PECR: variants seen among roughly 807,000 people sequenced by gnomAD.
The protein encoded by PECR is peroxisomal trans-2-enoyl-CoA reductase, also known as 2,4-dienoyl-CoA reductase-related protein.
A neutral mutation model predicts 35.3 loss-of-function variants in PECR; 30 were observed. The ratio of observed to expected loss-of-function variants is 0.85; its 90% confidence interval spans 0.64 to 1.15. PECR has a LOEUF of 1.15. Ranked by LOEUF, PECR falls within the 50% of genes most tolerant of loss-of-function variation. The probability of loss-of-function intolerance (pLI) is 0.00; values close to 1 mark genes in which losing one functional copy is unlikely to be tolerated. For synonymous variants in PECR, 148 were observed against 138.9 expected, an observed-to-expected ratio of 1.07 and a Z score of -0.46; for missense variants, 392 against 370.8, an observed-to-expected ratio of 1.06 and a Z score of -0.47.
intron 4 of PECR, among the ~76,000 whole-genome samples, chr2:216,056,386 A>C (rs1695225343): frequency 6.6e-6 from 1 of 152,190 alleles, no homozygotes; most frequent in African/African-American, 2.4e-5. Flanking sequence ...ATAAGCAGCA[A>C]GTGTAAAAAA....
chr2:216,079,535 T>C (rs1002289390), intron 1 of PECR, among the ~76,000 whole-genome samples: 3 of 151,662 alleles, frequency 2.0e-5, no homozygotes, highest in Non-Finnish European at 2.9e-5. Flanking sequence ...GCCTGGCTAA[T>C]TTTTGTATTC....
intron 4 of PECR, among the ~76,000 whole-genome samples, chr2:216,055,510 C>T (rs1431869920): frequency 6.6e-6 from 1 of 150,724 alleles, no homozygotes; most frequent in African/African-American, 2.5e-5. Context: ...AAACCTAGTA[C>T]ATAAATATTC....
At chr2:216,050,695 G>C (rs1249855183) in intron 5 of PECR, 1 of 152,338 alleles carries the variant, frequency 6.6e-6, no homozygotes, top group Non-Finnish European at 1.5e-5. Flanking sequence ...GAAGTCAGGA[G>C]ATCGAGACCA....
chr2:216,060,057 AT>A (rs1309891051), intron 3 of PECR, among the ~76,000 whole-genome samples: 2 of 152,128 alleles, frequency 1.3e-5, no homozygotes, highest in African/African-American at 4.8e-5. Flanking sequence ...ATCTTCTTTG[AT>A]TTCTCTCAGC....
At chr2:216,070,702 A>G (rs1382657436) in intron 1 of PECR, among the ~76,000 whole-genome samples, 1 of 152,218 alleles carries the variant, frequency 6.6e-6, no homozygotes, top group African/African-American at 2.4e-5. Context: ...AGCAACCTTG[A>G]GCTCCTACGG....
chr2:216,070,860 C>T (rs895011463), intron 1 of PECR, among the ~76,000 whole-genome samples: 1 of 152,218 alleles, frequency 6.6e-6, no homozygotes, highest in Non-Finnish European at 1.5e-5. Context: ...TGACTGCCCT[C>T]AGCATTCCTT....
chr2:216,081,480 T>C, intron 1 of PECR, 138 bp downstream of exon 1: 1 of 1,039,814 alleles, frequency 9.6e-7, no homozygotes, highest in South Asian at 1.3e-5. Flanking sequence ...CTGGTGGTCG[T>C]AATTTCGCCC....
At chr2:216,051,895 T>C (rs968307290) in intron 4 of PECR, among the ~76,000 whole-genome samples, 7 of 152,228 alleles carry the variant, frequency 4.6e-5, no homozygotes, top group South Asian at 2.1e-4. Context: ...CGATTTTAAA[T>C]AACAAAGGAG....
intron 5 of PECR, among the ~76,000 whole-genome samples, chr2:216,050,199 G>C (rs1265635917): frequency 6.6e-6 from 1 of 152,134 alleles, no homozygotes; most frequent in Non-Finnish European, 1.5e-5. Flanking sequence ...TTCAGCCTAG[G>C]CAACACAGCA....
chr2:216,057,088 T>G (rs549183555), intron 4 of PECR, among the ~76,000 whole-genome samples: 2 of 152,272 alleles, frequency 1.3e-5, no homozygotes, highest in South Asian at 4.1e-4. Context: ...AGGACACATT[T>G]CACTCATAAA....
chr2:216,053,806 T>G (rs1272896701), intron 4 of PECR, among the ~76,000 whole-genome samples: 1 of 152,138 alleles, frequency 6.6e-6, no homozygotes, highest in South Asian at 2.1e-4. Context: ...AAAAATGCAA[T>G]CTCTAGCTTC....
intron 7 of PECR, among the ~76,000 whole-genome samples, chr2:216,029,856 C>T (rs765423124): frequency 3.9e-5 from 6 of 152,164 alleles, no homozygotes; most frequent in Non-Finnish European, 8.8e-5. Flanking sequence ...GAGTCTCATG[C>T]ATCATTTTAC....
At chr2:216,079,903 C>A (rs1405023798) in intron 1 of PECR, among the ~76,000 whole-genome samples, 5 of 145,940 alleles carry the variant, frequency 3.4e-5, no homozygotes, top group Admixed American at 6.8e-5. Context: ...ATCGCTTGAA[C>A]CCAGGAGGCG....
downstream of PECR, among the ~76,000 whole-genome samples, chr2:216,035,323 T>C (rs1694776273): frequency 6.6e-6 from 1 of 152,068 alleles, no homozygotes; most frequent in African/African-American, 2.4e-5. Context: ...AGGCCTCTGG[T>C]AGGACACTTC....
At chr2:216,037,949 G>A (rs935112819), downstream of PECR, among the ~76,000 whole-genome samples, 2 of 152,096 alleles carry the variant, frequency 1.3e-5, no homozygotes, top group African/African-American at 4.8e-5. Context: ...GCCGGGCGTG[G>A]TGGTGCACAC....
intron 3 of PECR, among the ~76,000 whole-genome samples, chr2:216,063,537 G>A (rs1010448865): frequency 6.6e-6 from 1 of 151,954 alleles, no homozygotes; most frequent in Admixed American, 6.6e-5. Context: ...AAAATTGCTT[G>A]AACCCAGGAG....
chr2:216,059,555 CAT>C (rs1396046388), intron 3 of PECR, among the ~76,000 whole-genome samples: 3 of 152,154 alleles, frequency 2.0e-5, no homozygotes, highest in African/African-American at 7.2e-5. Context: ...TTTGTGTGGT[CAT>C]ATGTTAACTC....
At chr2:216,080,833 T>C (rs1320448343) in intron 1 of PECR, among the ~76,000 whole-genome samples, 1 of 152,220 alleles carries the variant, frequency 6.6e-6, no homozygotes, top group Non-Finnish European at 1.5e-5. Context: ...TTGGATTTTT[T>C]CTTTATTTGT....
chr2:216,032,250 C>G (rs1012033896), intron 7 of PECR, among the ~76,000 whole-genome samples: 2 of 152,130 alleles, frequency 1.3e-5, no homozygotes, highest in Non-Finnish European at 2.9e-5. Context: ...GTAACTCAGT[C>G]CAGAGAAATG....
Sources: gnomAD v4.1 joint callset for allele counts (sites outside exome capture counted in the v4.1 genomes callset) on GRCh38, gnomAD v4.1.1 for gene constraint, MANE v1.5 for transcripts, NCBI Gene and HGNC (gene_info 2026-07-23, HGNC 2026-07-21) for gene names.